The following ACAP2 variants were observed in gnomAD, a reference collection of about 807,000 sequenced individuals.
ACAP2 encodes ArfGAP with coiled-coil, ankyrin repeat and PH domains 2.
Under a neutral mutation model 115.8 loss-of-function variants are expected in ACAP2, and 39 were observed. The observed-to-expected ratio is 0.34, with a 90% CI of 0.26 to 0.44. The LOEUF (loss-of-function observed/expected upper bound fraction) is 0.44. Among genes scored for constraint, ACAP2 ranks in the 20% least tolerant of loss-of-function variants. ACAP2 has a pLI of 1.00. For synonymous variants in ACAP2, 289 were observed against 315.8 expected (o/e 0.92, Z 0.90); for missense variants, 662 against 927.6 (o/e 0.71, Z 3.72).
At chr3:195,370,087 C>T (rs1387948086) in intron 4 of ACAP2, among the ~76,000 whole-genome samples, 1 of 152,178 alleles carries the variant, frequency 6.6e-6, no homozygotes, top group African/African-American at 2.4e-5. Context: ...CCTTTGCCCA[C>T]TTTTTAACTG....
chr3:195,342,396 A>G, intron 6 of ACAP2, 75 bp downstream of exon 6: 1 of 1,376,222 alleles, frequency 7.3e-7, no homozygotes, highest in Admixed American at 2.5e-5. Context: ...TATTCTTCTT[A>G]GGGCGATCAC....
chr3:195,424,241 T>TGGA, intron 1 of ACAP2, among the ~76,000 whole-genome samples: 1 of 121,450 alleles, frequency 8.2e-6, no homozygotes, highest in Non-Finnish European at 1.6e-5. Flanking sequence ...TGTGTGTGTG[T>TGGA]GTGGTGTGTG....
intron 6 of ACAP2, among the ~76,000 whole-genome samples, chr3:195,339,230 C>CA (rs1401678261): frequency 1.3e-5 from 2 of 151,786 alleles, no homozygotes; most frequent in Non-Finnish European, 2.9e-5. Flanking sequence ...GACTCCTTCT[C>CA]AAAAAAACAA....
At chr3:195,347,834 C>T (rs999209758) in intron 4 of ACAP2, among the ~76,000 whole-genome samples, 5 of 151,874 alleles carry the variant, frequency 3.3e-5, no homozygotes, top group African/African-American at 1.2e-4. Flanking sequence ...ATGGCAAGAC[C>T]CATCTCTCTA....
chr3:195,441,707 A>G (rs1253316841), intron 1 of ACAP2: 2 of 152,220 alleles, frequency 1.3e-5, no homozygotes, highest in Non-Finnish European at 2.9e-5. Flanking sequence ...AAATGTCACT[A>G]TCTAACGGAA....
At chr3:195,300,039 T>A (rs1727936589) in intron 15 of ACAP2, among the ~76,000 whole-genome samples, 1 of 34,714 alleles carries the variant, frequency 2.9e-5, no homozygotes, top group African/African-American at 8.2e-5. Context: ...TTTTTCTTTT[T>A]TTTTCTTTTT....
chr3:195,442,966 A>T lies in ACAP2; in HGVS notation c.-119T>A. On this transcript the variant is annotated 5_prime_UTR_variant, in exon 1 of 23. Coordinates refer to ENST00000326793, the MANE Select transcript of ACAP2 (RefSeq NM_012287.6). ...GCGACTAGCGTTGCGCGGAGCTGCG[A>T]AGGGCGCCTCGCCCGCTGGTCATAG... 1 of 915,266 alleles carries T rather than the reference A, an allele frequency of 1.1e-6. No homozygotes were observed. The highest frequency in any genetic ancestry group is 1.5e-6 in the Non-Finnish European group (1 of 649,520). 56.7% of individuals were successfully genotyped at this position (915,266 alleles called of 1,614,324 possible).
At chr3:195,439,476 G>A (rs1715840350) in intron 1 of ACAP2, among the ~76,000 whole-genome samples, 1 of 151,926 alleles carries the variant, frequency 6.6e-6, no homozygotes, top group Admixed American at 6.6e-5. Flanking sequence ...ACTGCACCTG[G>A]CCACAATATT....
chr3:195,283,955 A>G (rs1726676133), intron 22 of ACAP2, among the ~76,000 whole-genome samples: 1 of 151,986 alleles, frequency 6.6e-6, no homozygotes, highest in South Asian at 2.1e-4. Flanking sequence ...GTTTATGTAT[A>G]TATAAACTCA....
At chr3:195,395,902 T>G (rs1711730126) in intron 1 of ACAP2, among the ~76,000 whole-genome samples, 1 of 152,196 alleles carries the variant, frequency 6.6e-6, no homozygotes, top group African/African-American at 2.4e-5. Flanking sequence ...CTCTTATCTA[T>G]TCATGCATCA....
chr3:195,438,391 T>C (rs894856924), intron 1 of ACAP2, among the ~76,000 whole-genome samples: 1 of 130,768 alleles, frequency 7.6e-6, no homozygotes, highest in African/African-American at 2.9e-5. Context: ...GCTTCTGAGA[T>C]TAAAAAAAAA....
intron 8 of ACAP2, among the ~76,000 whole-genome samples, chr3:195,330,066 C>A (rs116613779): frequency 0.013 from 1,963 of 152,238 alleles, 33 homozygotes; most frequent in African/African-American, 0.043. Flanking sequence ...CTCACCCACT[C>A]TTGTGGTTGC....
intron 2 of ACAP2, among the ~76,000 whole-genome samples, chr3:195,389,174 C>G (rs767546546): frequency 1.3e-5 from 2 of 152,028 alleles, no homozygotes; most frequent in African/African-American, 2.4e-5. Flanking sequence ...TTGGGTAAGA[C>G]AGACTCTAGA....
chr3:195,342,112 C>T lies in ACAP2; in HGVS notation c.528+359G>A, dbSNP rs1479819723. ...ACCACTATGCAATTCACCATGTGAC[C>T]AAAAACCCACTTGTACCCCTAAACT... On this transcript the variant is annotated intron_variant, in intron 6 of 22. Coordinates refer to ENST00000326793, the MANE Select transcript of ACAP2 (RefSeq NM_012287.6). 3.9e-5 allele frequency among the ~76,000 whole-genome samples: 6 copies of T among 151,966 alleles called. No homozygotes were observed. In the South Asian group the frequency reaches 1.2e-3, roughly 32 times the overall value.
intron 1 of ACAP2, among the ~76,000 whole-genome samples, chr3:195,416,261 G>A (rs577996387): frequency 3.3e-5 from 5 of 151,850 alleles, no homozygotes; most frequent in Admixed American, 2.0e-4. Context: ...CAGGAGAATC[G>A]CTTGAACCCA....
intron 4 of ACAP2, among the ~76,000 whole-genome samples, chr3:195,373,963 A>C (rs1200663914): frequency 6.6e-6 from 1 of 152,184 alleles, no homozygotes; most frequent in Admixed American, 6.6e-5. Context: ...CAGAATGTGG[A>C]AACATGAGGC....
At chr3:195,315,146 G>T (rs1729007175) in intron 10 of ACAP2, among the ~76,000 whole-genome samples, 1 of 152,172 alleles carries the variant, frequency 6.6e-6, no homozygotes, top group African/African-American at 2.4e-5. Context: ...CACCTGAGTA[G>T]CTGGGGCTAC....
intron 4 of ACAP2, chr3:195,356,246 C>G (rs1731961549): frequency 2.2e-6 from 1 of 454,278 alleles, no homozygotes; most frequent in Non-Finnish European, 4.4e-6. Flanking sequence ...GCTGCCAATC[C>G]CGGCAGAACT....
At chr3:195,328,960 GTCCCAGCTAC>G (rs1180478932) in intron 8 of ACAP2, among the ~76,000 whole-genome samples, 3 of 151,666 alleles carry the variant, frequency 2.0e-5, no homozygotes, top group Non-Finnish European at 4.4e-5. Flanking sequence ...GGCGCCTGTG[GTCCCAGCTAC>G]TCGGGAGGCT....
Sources: allele counts gnomAD v4.1 joint callset (sites outside exome capture counted in the v4.1 genomes callset), GRCh38; gene constraint gnomAD v4.1.1; transcripts MANE v1.5; gene names NCBI Gene and HGNC (gene_info 2026-07-23, HGNC 2026-07-21).